RBFOX1: variants seen among roughly 807,000 people sequenced by gnomAD.
The protein encoded by RBFOX1 is RNA binding fox-1 homolog 1.
In RBFOX1, 8 loss-of-function variants were observed where a neutral mutation model predicts 57.7. The observed-to-expected ratio is 0.14, with a 90% confidence interval of 0.08 to 0.25. The LOEUF (loss-of-function observed/expected upper bound fraction) is 0.25, where lower values mean the gene tolerates loss of function less well. Among genes scored for constraint, RBFOX1 ranks in the 10% least tolerant of loss-of-function variants. The probability of loss-of-function intolerance (pLI) is 1.00; values close to 1 mark genes in which losing one functional copy is unlikely to be tolerated. For missense variants in RBFOX1, 611 were observed against 548.5 expected (o/e 1.11, Z -1.14); for synonymous variants, 326 against 222.4 (o/e 1.47, Z -4.15).
chr16:6,767,937 A>T (rs1370290137), intron 3 of RBFOX1, among the ~76,000 whole-genome samples: 2 of 93,298 alleles, frequency 2.1e-5, no homozygotes, highest in African/African-American at 5.6e-5. Context: ...AATAATAATA[A>T]TAATAATAAT....
At chr16:6,404,540 T>C (rs545501867) in intron 2 of RBFOX1, among the ~76,000 whole-genome samples, 8 of 152,238 alleles carry the variant, frequency 5.3e-5, no homozygotes, top group Non-Finnish European at 1.0e-4. Flanking sequence ...TTCTCTACTC[T>C]AATATTTCAT....
Position 6,744,228 on chromosome 16 carries a change from T to C in RBFOX1, c.-16+89578T>C, listed in dbSNP as rs565277182. ...AACTTTAAAATACATGAAACAAAAC[T>C]GTTGGAACTGGAAGGAGAAATAGCC... On this transcript the variant is annotated intron_variant, in intron 3 of 15. Transcript: ENST00000550418. Among the ~76,000 whole-genome samples, 8 of 152,242 alleles carry C rather than the reference T, an allele frequency of 5.3e-5. No homozygotes were observed. In the South Asian group the frequency reaches 1.7e-3, roughly 32 times the overall value.
intron 2 of RBFOX1, among the ~76,000 whole-genome samples, chr16:6,452,943 C>G (rs1157075009): frequency 1.3e-5 from 2 of 152,192 alleles, no homozygotes; most frequent in African/African-American, 4.8e-5. Flanking sequence ...AGTTCCTGTT[C>G]TCCATGCTTA....
intron 3 of RBFOX1, among the ~76,000 whole-genome samples, chr16:7,043,766 G>C (rs7187213): frequency 1.3e-5 from 2 of 152,076 alleles, no homozygotes; most frequent in East Asian, 3.9e-4. Flanking sequence ...ACTTTCCCCA[G>C]TTCAAGTTAA....
chr16:5,856,575 G>GTGTATATATATATGTATATATATATA lies in RBFOX1; in HGVS notation c.319-10727_319-10726insGTATATATATATGTATATATATATAT, dbSNP rs1192496608. ...TGTGTGTGTGTGTATGTGTGTGTGTGTATATATATATATATATATATATAT... is the reference window on the plus strand; with the variant it reads ...TGTGTGTGTGTGTATGTGTGTGTGTGTGTATATATATATGTATATATATATATATATATATATATATATATATATAT... On this transcript the variant is annotated intron_variant, in intron 3 of 19. Coordinates refer to the RBFOX1 transcript ENST00000641259. Among the ~76,000 whole-genome samples the GTGTATATATATATGTATATATATATA allele has an allele frequency of 3.0e-3, 98 of 32,920 alleles. 6 individuals carry two copies. Among genetic ancestry groups the GTGTATATATATATGTATATATATATA allele is most frequent in the Non-Finnish European group, 4.1e-3 (72 of 17,402 alleles). 21.6% of individuals were successfully genotyped at this position (32,920 alleles called of 152,430 possible).
At chr16:7,391,867 CTT>C (rs2098031909) in intron 4 of RBFOX1, among the ~76,000 whole-genome samples, 1 of 152,158 alleles carries the variant, frequency 6.6e-6, no homozygotes, top group South Asian at 2.1e-4. Context: ...GACACTGATT[CTT>C]TTACGTAGGC....
chr16:6,294,213 G>A (rs2077811225), intron 1 of RBFOX1, among the ~76,000 whole-genome samples: 1 of 152,058 alleles, frequency 6.6e-6, no homozygotes. Flanking sequence ...TTCTGCATGG[G>A]GCCAAACAGG....
At chr16:5,581,912 G>T (rs545493305) in intron 2 of RBFOX1, among the ~76,000 whole-genome samples, 1 of 152,216 alleles carries the variant, frequency 6.6e-6, no homozygotes, top group African/African-American at 2.4e-5. Context: ...AAGCAAGGAC[G>T]CTGTAATGTA....
At chr16:6,645,222 T>C (rs2154077517) in intron 2 of RBFOX1, among the ~76,000 whole-genome samples, 1 of 152,296 alleles carries the variant, frequency 6.6e-6, no homozygotes, top group East Asian at 1.9e-4. Flanking sequence ...TACAGAATTT[T>C]CTCATTTCAA....
In RBFOX1 at chr16:5,947,153, T is replaced by C. The variant is rs1334981246; in HGVS notation, c.351+79818T>C. 6.6e-6 allele frequency among the ~76,000 whole-genome samples: 1 copy of C among 152,038 alleles called. No homozygotes were observed. The highest frequency in any genetic ancestry group is 1.9e-4 in the East Asian group (1 of 5,186). ...ATCATGTGAACTCAGGAGGTTGAGG[T>C]TGCAGCGAGCCGTGATTCTGCCACT... On this transcript the variant is annotated intron_variant, in intron 4 of 19. Transcript: ENST00000641259. The surrounding 1 kb of genome is among the most constrained non-coding windows in gnomAD (Gnocchi z 7.2).
At chr16:5,369,425 C>A (rs1249522560) in intron 1 of RBFOX1, among the ~76,000 whole-genome samples, 1 of 152,202 alleles carries the variant, frequency 6.6e-6, no homozygotes, top group East Asian at 1.9e-4. Flanking sequence ...TAGTCGTCTC[C>A]CAGTCACTGG....
intron 4 of RBFOX1, among the ~76,000 whole-genome samples, chr16:7,409,318 CT>C (rs1272784618): frequency 6.6e-6 from 1 of 152,212 alleles, no homozygotes; most frequent in Non-Finnish European, 1.5e-5. Context: ...TAACAGTTCA[CT>C]GGAGCAGAAA....
At chr16:6,542,900 T>C (rs1360964783) in intron 2 of RBFOX1, among the ~76,000 whole-genome samples, 1 of 151,978 alleles carries the variant, frequency 6.6e-6, no homozygotes, top group Non-Finnish European at 1.5e-5. Flanking sequence ...CTGGGTACAT[T>C]AGTGGGGACC....
At chr16:5,797,655 C>T (rs1358632095) in intron 3 of RBFOX1, among the ~76,000 whole-genome samples, 5 of 152,196 alleles carry the variant, frequency 3.3e-5, no homozygotes. Flanking sequence ...CTTGGCCCAT[C>T]TTCAAATATT....
At chr16:6,230,391 A>G (rs2097450074) in intron 1 of RBFOX1, among the ~76,000 whole-genome samples, 1 of 152,166 alleles carries the variant, frequency 6.6e-6, no homozygotes, top group African/African-American at 2.4e-5. Context: ...TGGGGCTTTA[A>G]CTAATATGCC....
chr16:5,777,223 G>T (rs2054177177), intron 3 of RBFOX1, among the ~76,000 whole-genome samples: 1 of 152,160 alleles, frequency 6.6e-6, no homozygotes, highest in African/African-American at 2.4e-5. Context: ...TTTTCCAGCT[G>T]CAAGAGGTCA....
intron 3 of RBFOX1, among the ~76,000 whole-genome samples, chr16:5,687,459 G>A (rs1276984019): frequency 1.3e-5 from 2 of 152,196 alleles, no homozygotes; most frequent in Non-Finnish European, 2.9e-5. Context: ...CAACTGTTGG[G>A]AGTATTAAAT....
At chr16:6,130,319 A>T (rs1198022328) in intron 1 of RBFOX1, among the ~76,000 whole-genome samples, 1 of 152,254 alleles carries the variant, frequency 6.6e-6, no homozygotes, top group African/African-American at 2.4e-5. Context: ...GAAGCCACAT[A>T]ATATGAACTG....
intron 5 of RBFOX1, among the ~76,000 whole-genome samples, chr16:7,520,442 GC>G (rs1191040077): frequency 6.6e-6 from 1 of 151,962 alleles, no homozygotes; most frequent in Non-Finnish European, 1.5e-5. Context: ...CCTCTCCCCG[GC>G]CCCTGGCAAC....
Sources: gnomAD v4.1 joint callset for allele counts (sites outside exome capture counted in the v4.1 genomes callset) on GRCh38, gnomAD v4.1.1 for gene constraint, Gnocchi (gnomAD v3.1) non-coding constraint, MANE v1.5 for transcripts, NCBI Gene and HGNC (gene_info 2026-07-23, HGNC 2026-07-21) for gene names.